The following ZNF676 variants were observed in gnomAD, a reference collection of about 807,000 sequenced individuals.
ZNF676 encodes the protein zinc finger protein 676.
A neutral mutation model predicts 6.0 loss-of-function variants in ZNF676; 4 were observed. That is an observed-to-expected ratio of 0.67 (90% CI 0.33 to 1.53). The LOEUF is 1.53. Ranked by LOEUF, ZNF676 falls within the 40% of genes most tolerant of loss-of-function variation. ZNF676 has a pLI of 0.06. For synonymous variants in ZNF676, 198 were observed against 223.1 expected, an observed-to-expected ratio of 0.89 and a Z score of 1.00; for missense variants, 644 against 679.7, an observed-to-expected ratio of 0.95 and a Z score of 0.58.
chr19:22,205,048 C>T (rs1219753806), intron 1 of ZNF676, among the ~76,000 whole-genome samples: 1 of 151,976 alleles, frequency 6.6e-6, no homozygotes, highest in East Asian at 1.9e-4. Context: ...AGTTCTTGAA[C>T]TCTTGGACAT....
intron 1 of ZNF676, among the ~76,000 whole-genome samples, chr19:22,195,914 G>A (rs138105227): frequency 0.011 from 1,726 of 152,232 alleles, 14 homozygotes; most frequent in Non-Finnish European, 0.02. Flanking sequence ...AGACTGGACC[G>A]AATTCCAGCA....
At chr19:22,225,331 A>C in the ZNF676 span, among the ~76,000 whole-genome samples, 1 of 152,136 alleles carries the variant, frequency 6.6e-6, no homozygotes, top group African/African-American at 2.4e-5. Flanking sequence ...GTGTATGTTA[A>C]ATTTTTTGAT....
chr19:22,250,672 C>T, the ZNF676 span, among the ~76,000 whole-genome samples: 1 of 150,960 alleles, frequency 6.6e-6, no homozygotes, highest in African/African-American at 2.4e-5. Context: ...TACACAGTCC[C>T]TGTGCAGGGT....
chr19:22,200,587 C>T (rs1191362063), upstream of ZNF676, among the ~76,000 whole-genome samples: 4 of 130,376 alleles, frequency 3.1e-5, no homozygotes, highest in East Asian at 4.7e-4. Flanking sequence ...GGTGTGATCT[C>T]GGCTCACTGT....
At chr19:22,222,388 G>C in the ZNF676 span, among the ~76,000 whole-genome samples, 13 of 152,258 alleles carry the variant, frequency 8.5e-5, no homozygotes, top group East Asian at 2.5e-3. Flanking sequence ...TTACAGGTGT[G>C]AGCCACTGTG....
intron 2 of ZNF676, among the ~76,000 whole-genome samples, chr19:22,189,294 G>T (rs2023874833): frequency 6.6e-6 from 1 of 152,096 alleles, no homozygotes; most frequent in African/African-American, 2.4e-5. Context: ...GAAAAAACTT[G>T]CTAGCCATAT....
At chr19:22,246,337 A>G in the ZNF676 span, among the ~76,000 whole-genome samples, 1 of 151,648 alleles carries the variant, frequency 6.6e-6, no homozygotes, top group Non-Finnish European at 1.5e-5. Context: ...CCAGTGATAC[A>G]TTAGAATCTC....
the ZNF676 span, among the ~76,000 whole-genome samples, chr19:22,236,249 T>C: frequency 6.6e-6 from 1 of 152,122 alleles, no homozygotes; most frequent in Non-Finnish European, 1.5e-5. Flanking sequence ...GTAGGAGTTC[T>C]GCCATCTGCT....
chr19:22,253,376 A>ATATG, the ZNF676 span, among the ~76,000 whole-genome samples: 1 of 62,490 alleles, frequency 1.6e-5, no homozygotes, highest in Admixed American at 1.6e-4. Flanking sequence ...GTGTGTGTAT[A>ATATG]TATATATATA....
chr19:22,182,252 C>T (rs965983241), intron 2 of ZNF676, among the ~76,000 whole-genome samples: 2 of 152,048 alleles, frequency 1.3e-5, no homozygotes, highest in Non-Finnish European at 2.9e-5. Flanking sequence ...CACATAATCT[C>T]TAGCCAAGAC....
the ZNF676 span, among the ~76,000 whole-genome samples, chr19:22,247,578 T>A: frequency 5.4e-5 from 8 of 147,572 alleles, no homozygotes; most frequent in African/African-American, 7.5e-5. Flanking sequence ...AAAAAAAAAA[T>A]TTAGGGGGTT....
chr19:22,225,813 T>A, the ZNF676 span, among the ~76,000 whole-genome samples: 7 of 152,194 alleles, frequency 4.6e-5, no homozygotes, highest in Admixed American at 4.6e-4. Flanking sequence ...TGTTCAGTTT[T>A]AAGAGTTGCT....
intron 1 of ZNF676, among the ~76,000 whole-genome samples, chr19:22,215,058 A>C (rs1324728863): frequency 5.9e-4 from 71 of 119,576 alleles, no homozygotes; most frequent in East Asian, 3.2e-3. Flanking sequence ...AAAAAAAAAA[A>C]AACAACAAAA....
chr19:22,224,376 G>A, the ZNF676 span, among the ~76,000 whole-genome samples: 1 of 151,368 alleles, frequency 6.6e-6, no homozygotes, highest in South Asian at 2.1e-4. Context: ...TTAGCCATAT[G>A]TCTATCACAA....
chr19:22,234,131 G>A, the ZNF676 span, among the ~76,000 whole-genome samples: 1 of 152,198 alleles, frequency 6.6e-6, no homozygotes, highest in African/African-American at 2.4e-5. Context: ...TGCCCACTGG[G>A]AAGACTTCCC....
chr19:22,239,974 A>G, the ZNF676 span, among the ~76,000 whole-genome samples: 1 of 152,222 alleles, frequency 6.6e-6, no homozygotes. Context: ...GTCACAATTC[A>G]TGTTATGAGT....
intron 2 of ZNF676, among the ~76,000 whole-genome samples, chr19:22,185,757 T>C (rs968473837): frequency 1.3e-5 from 2 of 152,016 alleles, no homozygotes; most frequent in Non-Finnish European, 1.5e-5. Context: ...AATAGCTGAA[T>C]CGATAATGCA....
chr19:22,207,983 T>TAAAAAAAAAAAAA (rs59890557), intron 1 of ZNF676, among the ~76,000 whole-genome samples: 1 of 129,208 alleles, frequency 7.7e-6, no homozygotes, highest in Non-Finnish European at 1.7e-5. Flanking sequence ...TTAAAAATTA[T>TAAAAAAAAAAAAA]AAAAAAAAAA....
At chr19:22,192,152 CAAGTAT>C (rs74615852) in intron 2 of ZNF676, among the ~76,000 whole-genome samples, 63,321 of 151,402 alleles carry the variant, frequency 0.42, 13,888 homozygotes, top group African/African-American at 0.56. Flanking sequence ...AATTAACATA[CAAGTAT>C]AAGTTATGAT....
Sources: allele counts gnomAD v4.1 joint callset (sites outside exome capture counted in the v4.1 genomes callset), GRCh38; gene constraint gnomAD v4.1.1; transcripts MANE v1.5; gene names NCBI Gene and HGNC (gene_info 2026-07-23, HGNC 2026-07-21).